KCNMA1: variants seen among roughly 807,000 people sequenced by gnomAD.
KCNMA1 encodes the protein Calcium-activated potassium channel subunit alpha-1.
A neutral mutation model predicts 140.0 loss-of-function variants in KCNMA1; 29 were observed. That is an observed-to-expected ratio of 0.21 (90% CI 0.15 to 0.28). KCNMA1 has a LOEUF of 0.28. Ranked by LOEUF, KCNMA1 falls within the 10% of genes least tolerant of loss-of-function variation. KCNMA1 has a pLI of 1.00. For missense variants in KCNMA1, 880 were observed against 1,602.2 expected (o/e 0.55, Z 7.70); for synonymous variants, 612 against 611.9 (o/e 1.00, Z 0.00).
chr10:76,896,911 T>C (rs146288448), intron 25 of KCNMA1, among the ~76,000 whole-genome samples: 70 of 152,108 alleles, frequency 4.6e-4, no homozygotes, highest in African/African-American at 1.6e-3. Context: ...TTGTATAGTA[T>C]GTTGTGTCTC....
chr10:77,057,119 A>G (rs1001817677), intron 14 of KCNMA1, among the ~76,000 whole-genome samples: 2 of 152,202 alleles, frequency 1.3e-5, no homozygotes, highest in Non-Finnish European at 2.9e-5. Context: ...AATAATGCCT[A>G]GACACATTGT....
chr10:77,448,833 A>T (rs1440346080), intron 1 of KCNMA1, among the ~76,000 whole-genome samples: 1 of 152,204 alleles, frequency 6.6e-6, no homozygotes, highest in African/African-American at 2.4e-5. Flanking sequence ...TCATGCCTGT[A>T]ATCCCAGCAC....
chr10:77,261,371 T>C (rs1397158766), intron 2 of KCNMA1, among the ~76,000 whole-genome samples: 2 of 152,140 alleles, frequency 1.3e-5, no homozygotes, highest in African/African-American at 4.8e-5. Context: ...GGGACATGAT[T>C]ACTACAAGCC....
intron 2 of KCNMA1, among the ~76,000 whole-genome samples, chr10:77,264,649 A>T (rs2062919845): frequency 6.6e-6 from 1 of 152,138 alleles, no homozygotes; most frequent in Non-Finnish European, 1.5e-5. Context: ...ATCAGAATTG[A>T]GGTGGGCTCC....
At chr10:76,876,988 C>T (rs2032509423), downstream of KCNMA1, 1 of 152,740 alleles carries the variant, frequency 6.5e-6, no homozygotes, top group Non-Finnish European at 1.5e-5. Flanking sequence ...GGTGTGCCCA[C>T]AACCCTCCTG....
At chr10:77,469,992 A>T (rs1346877175) in intron 1 of KCNMA1, among the ~76,000 whole-genome samples, 1 of 152,266 alleles carries the variant, frequency 6.6e-6, no homozygotes, top group African/African-American at 2.4e-5. Context: ...AGCTAATAGC[A>T]GATGAAGACC....
chr10:77,612,858 A>C (rs2673437), intron 1 of KCNMA1, among the ~76,000 whole-genome samples: 33,404 of 151,998 alleles, frequency 0.22, 3,964 homozygotes, highest in African/African-American at 0.27. Context: ...ATCCCCTCTA[A>C]GCCATTTGCT....
chr10:77,343,397 G>A (rs914087701), intron 2 of KCNMA1, among the ~76,000 whole-genome samples: 3 of 152,130 alleles, frequency 2.0e-5, no homozygotes, highest in Admixed American at 1.3e-4. Context: ...TCACACAGGT[G>A]GGAAGTTGTG....
At chr10:77,319,209 T>C (rs2081661337) in intron 2 of KCNMA1, among the ~76,000 whole-genome samples, 1 of 152,178 alleles carries the variant, frequency 6.6e-6, no homozygotes, top group Non-Finnish European at 1.5e-5. Context: ...CTGAATAACT[T>C]TCATCCTGAA....
intron 1 of KCNMA1, chr10:77,636,395 G>A (rs1371130037): frequency 1.2e-5 from 18 of 1,535,918 alleles, no homozygotes; most frequent in East Asian, 2.4e-5. Flanking sequence ...AGCTAAAGCC[G>A]ACGACATCTA....
intron 17 of KCNMA1, chr10:77,012,495 T>A (rs758337408): frequency 1.3e-6 from 2 of 1,550,310 alleles, no homozygotes; most frequent in Non-Finnish European, 1.7e-6. Flanking sequence ...AATAAAAATA[T>A]CAAGCTTGTC....
At chr10:77,575,010 C>CCTTGGGAGGCAAAG (rs1474116093) in intron 1 of KCNMA1, among the ~76,000 whole-genome samples, 3 of 152,152 alleles carry the variant, frequency 2.0e-5, no homozygotes, top group African/African-American at 7.2e-5. Context: ...TCCTCCTAGC[C>CCTTGGGAGGCAAAG]CTTGGGAGGC....
chr10:77,284,339 T>C (rs140285887), intron 2 of KCNMA1, among the ~76,000 whole-genome samples: 3 of 152,280 alleles, frequency 2.0e-5, no homozygotes, highest in South Asian at 2.1e-4. Flanking sequence ...TAAAATTCAA[T>C]TGAACAGAGG....
chr10:77,195,865 T>C (rs1273031595), intron 3 of KCNMA1, among the ~76,000 whole-genome samples: 1 of 151,848 alleles, frequency 6.6e-6, no homozygotes, highest in Non-Finnish European at 1.5e-5. Context: ...AGGAGAATGG[T>C]TTGAACTCGG....
In KCNMA1 at chr10:76,893,443, G is replaced by C. The variant is rs539145994; in HGVS notation, c.3148-1724C>G. Among the ~76,000 whole-genome samples the C allele has an allele frequency of 1.3e-4, 20 of 152,252 alleles. No individual in the cohort carries two copies. In the East Asian group the frequency reaches 3.9e-3, roughly 29 times the overall value. ...TTTAAACTCGATGTGGTAGAAAATG[G>C]GAGGTCAGCCAAGCATGGTGCACAC... On this transcript the variant is annotated intron_variant, in intron 25 of 27. Transcript: ENST00000286628.
chr10:77,216,327 T>C (rs1233296587), intron 3 of KCNMA1, among the ~76,000 whole-genome samples: 1 of 151,890 alleles, frequency 6.6e-6, no homozygotes, highest in African/African-American at 2.4e-5. Flanking sequence ...GTGAATTCTA[T>C]GGTATATAAA....
At chr10:77,039,439 C>T in intron 15 of KCNMA1, 89 bp downstream of exon 15, 1 of 801,420 alleles carries the variant, frequency 1.2e-6, no homozygotes, top group Non-Finnish European at 2.2e-6. Flanking sequence ...AGTGCTCCAA[C>T]TGTACCCAGC....
chr10:77,096,163 C>A (rs1314552917), intron 9 of KCNMA1, among the ~76,000 whole-genome samples: 3 of 152,288 alleles, frequency 2.0e-5, no homozygotes, highest in South Asian at 2.1e-4. Flanking sequence ...GAGCACAACA[C>A]CTCCCTCAGT....
chr10:77,202,113 T>G (rs555101888), intron 3 of KCNMA1, among the ~76,000 whole-genome samples: 1 of 152,364 alleles, frequency 6.6e-6, no homozygotes, highest in African/African-American at 2.4e-5. Context: ...TCTGGTGATA[T>G]GTGCCTCTAA....
Sources: gnomAD v4.1 joint callset for allele counts (sites outside exome capture counted in the v4.1 genomes callset) on GRCh38, gnomAD v4.1.1 for gene constraint, MANE v1.5 for transcripts, NCBI Gene and HGNC (gene_info 2026-07-23, HGNC 2026-07-21) for gene names.